Variants in NFYC observed in about 807,000 individuals in gnomAD.
NFYC encodes the protein nuclear transcription factor Y subunit gamma.
Under a neutral mutation model 53.1 loss-of-function variants are expected in NFYC, and 25 were observed. The ratio of observed to expected loss-of-function variants is 0.47; its 90% CI spans 0.34 to 0.66. The LOEUF (loss-of-function observed/expected upper bound fraction) is 0.66. Ranked by LOEUF, NFYC falls within the 30% of genes least tolerant of loss-of-function variation. The pLI is 0.01. For synonymous variants in NFYC, 145 were observed against 152.6 expected, an observed-to-expected ratio of 0.95 and a Z score of 0.37; for missense variants, 260 against 422.7, an observed-to-expected ratio of 0.62 and a Z score of 3.38.
intron 1 of NFYC, among the ~76,000 whole-genome samples, chr1:40,693,099 G>A (rs779256001): frequency 6.6e-6 from 1 of 152,142 alleles, no homozygotes; most frequent in Non-Finnish European, 1.5e-5. Flanking sequence ...CCTTGTATAT[G>A]TGCCTAAAAA....
At chr1:40,764,236 G>A (rs1646705204) in intron 7 of NFYC, among the ~76,000 whole-genome samples, 1 of 152,136 alleles carries the variant, frequency 6.6e-6, no homozygotes. Flanking sequence ...AACGTAGGCA[G>A]GTATAGAAAC....
At chr1:40,766,785 G>T in intron 8 of NFYC, 82 bp downstream of exon 8, 2 of 1,502,902 alleles carry the variant, frequency 1.3e-6, no homozygotes, top group Non-Finnish European at 1.8e-6. Context: ...TCAGCACACA[G>T]CTGTCTTGCC....
At chr1:40,742,483 A>G (rs1392964543) in intron 2 of NFYC, among the ~76,000 whole-genome samples, 1 of 152,248 alleles carries the variant, frequency 6.6e-6, no homozygotes, top group Non-Finnish European at 1.5e-5. Flanking sequence ...AGAAGTTAAA[A>G]GAGAATTACT....
chr1:40,737,086 C>G (rs1645065904), intron 1 of NFYC, among the ~76,000 whole-genome samples: 1 of 144,070 alleles, frequency 6.9e-6, no homozygotes, highest in African/African-American at 2.6e-5. Context: ...GAAATTGCAC[C>G]ACTGCACTCC....
chr1:40,707,568 C>T (rs1167953535), intron 1 of NFYC, among the ~76,000 whole-genome samples: 1 of 150,550 alleles, frequency 6.6e-6, no homozygotes, highest in Non-Finnish European at 1.5e-5. Context: ...CTTCGGGAGG[C>T]AGGGGCAGGA....
rs7545589 is a variant in NFYC, at chr1:40,762,571, C to T, written c.562-317C>T. Among the ~76,000 whole-genome samples, 739 of 152,270 alleles carry T rather than the reference C, an allele frequency of 4.9e-3. 5 individuals are homozygous for T. Among genetic ancestry groups the T allele is most frequent in the African/African-American group, 0.017 (715 of 41,542 alleles). ...CGGTCATGGTTGCTTTTGATTTTTTCTGTAGTGTATGTGCCTTATCACTAA... is the reference window on the plus strand; with the variant it reads ...CGGTCATGGTTGCTTTTGATTTTTTTTGTAGTGTATGTGCCTTATCACTAA... On this transcript the variant is annotated intron_variant, in intron 6 of 9. Transcript: ENST00000447388.
At chr1:40,753,478 T>C (rs1009513025) in intron 5 of NFYC, among the ~76,000 whole-genome samples, 1 of 152,230 alleles carries the variant, frequency 6.6e-6, no homozygotes, top group Admixed American at 6.5e-5. Context: ...TGAAAGACTT[T>C]AGTTACAAAT....
At chr1:40,741,670 A>G (rs1645352687) in intron 2 of NFYC, among the ~76,000 whole-genome samples, 1 of 149,876 alleles carries the variant, frequency 6.7e-6, no homozygotes, top group African/African-American at 2.5e-5. Context: ...TGGTACAATT[A>G]TGGCTCACTG....
At chr1:40,738,249 T>C (rs1249836763) in intron 1 of NFYC, among the ~76,000 whole-genome samples, 1 of 152,188 alleles carries the variant, frequency 6.6e-6, no homozygotes, top group Non-Finnish European at 1.5e-5. Flanking sequence ...GCCCAGGCTG[T>C]CTTGAACTCT....
At chr1:40,729,158 G>T (rs1220383000) in intron 1 of NFYC, among the ~76,000 whole-genome samples, 1 of 152,192 alleles carries the variant, frequency 6.6e-6, no homozygotes, top group Non-Finnish European at 1.5e-5. Flanking sequence ...TGGTAAATGA[G>T]CATCGGCTTC....
chr1:40,768,403 A>G (rs1646924385), intron 8 of NFYC, among the ~76,000 whole-genome samples: 1 of 152,218 alleles, frequency 6.6e-6, no homozygotes, highest in South Asian at 2.1e-4. Context: ...AAAAATAGTC[A>G]TGAAGCCTGT....
chr1:40,728,168 C>T (rs1193748583), intron 1 of NFYC, among the ~76,000 whole-genome samples: 3 of 152,156 alleles, frequency 2.0e-5, no homozygotes, highest in Non-Finnish European at 4.4e-5. Context: ...TCTGCCTTGG[C>T]CTCCCAAAGT....
chr1:40,727,608 G>T (rs1336425388), intron 1 of NFYC, among the ~76,000 whole-genome samples: 1 of 149,104 alleles, frequency 6.7e-6, no homozygotes. Flanking sequence ...TCGGCTCACT[G>T]CAACCTCCGC....
chr1:40,729,082 C>T (rs1295455528), intron 1 of NFYC, among the ~76,000 whole-genome samples: 1 of 152,182 alleles, frequency 6.6e-6, no homozygotes, highest in Non-Finnish European at 1.5e-5. Context: ...CCAAGCTTTG[C>T]TCCATTTATA....
intron 2 of NFYC, among the ~76,000 whole-genome samples, chr1:40,745,908 T>G (rs995979149): frequency 2.6e-5 from 4 of 152,172 alleles, no homozygotes; most frequent in African/African-American, 9.7e-5. Context: ...GGGGTCTCAC[T>G]ATGTTGACCA....
At chr1:40,720,483 T>TA (rs1264098268) in intron 1 of NFYC, among the ~76,000 whole-genome samples, 2 of 151,756 alleles carry the variant, frequency 1.3e-5, no homozygotes, top group African/African-American at 4.8e-5. Flanking sequence ...GCACAAAGGT[T>TA]ACTGCACAAC....
At chr1:40,766,939 G>A in intron 8 of NFYC, 1 of 1,552,180 alleles carries the variant, frequency 6.4e-7, no homozygotes. Flanking sequence ...TGCAAGTCAG[G>A]GGAAGCCTCG....
chr1:40,755,178 G>C (rs1372893494), intron 5 of NFYC, among the ~76,000 whole-genome samples: 3 of 152,178 alleles, frequency 2.0e-5, no homozygotes, highest in African/African-American at 7.2e-5. Context: ...CTTTTTTCCA[G>C]TCAGGGCTGG....
At chr1:40,745,481 C>T (rs1645563983) in intron 2 of NFYC, among the ~76,000 whole-genome samples, 1 of 152,180 alleles carries the variant, frequency 6.6e-6, no homozygotes, top group African/African-American at 2.4e-5. Context: ...TTTAAAAAAA[C>T]TCTTTAGGAT....
Sources: allele counts gnomAD v4.1 joint callset (sites outside exome capture counted in the v4.1 genomes callset), GRCh38; gene constraint gnomAD v4.1.1; transcripts MANE v1.5; gene names NCBI Gene and HGNC (gene_info 2026-07-23, HGNC 2026-07-21).